The following PRCC variants were observed in gnomAD, a reference collection of about 807,000 sequenced individuals.
PRCC encodes the protein proline rich mitotic checkpoint control factor.
Under a neutral mutation model 44.0 loss-of-function variants are expected in PRCC, and 10 were observed. The ratio of observed to expected loss-of-function variants is 0.23; its 90% CI spans 0.14 to 0.39. The LOEUF is 0.39. PRCC is among the 10% of genes least tolerant of loss of function. The pLI is 1.00. For synonymous variants in PRCC, 278 were observed against 259.5 expected (o/e 1.07, Z -0.69); for missense variants, 573 against 624.7 (o/e 0.92, Z 0.88).
rs1652478348 is a variant in PRCC, at chr1:156,791,730, G to T, written c.1117G>T (p.Asp373Tyr). ...CAGTGGTGGCTACTATCCTGCACAG[G>T]ACCCGGCCCTGGTCCCCCCCCAGGA... Reference protein sequence around the residue: ...YYSGGYYPAQDPALVPPQEIA... With the variant: ...YYSGGYYPAQYPALVPPQEIA... The change falls in exon 4 of 7, where the codon GAC (aspartate) becomes TAC (tyrosine). Residue 373 changes from aspartate (D) to tyrosine (Y), a missense_variant. Asp to Tyr is a radical substitution (Grantham distance 160). This residue lies in a region of PRCC where 141 missense variants were observed against 130.2 expected (regional missense o/e 1.08). Transcript: ENST00000271526. The T allele has an allele frequency of 6.2e-7, 1 of 1,613,836 alleles. No individual in the cohort carries two copies. The highest frequency in any genetic ancestry group is 8.5e-7 in the Non-Finnish European group (1 of 1,179,968).
chr1:156,793,106 A>C (rs927140675), intron 4 of PRCC, among the ~76,000 whole-genome samples: 2 of 152,204 alleles, frequency 1.3e-5, no homozygotes, highest in African/African-American at 4.8e-5. Context: ...TATAAAAAAT[A>C]ATTCTTCTCT....
At chr1:156,790,558 GTTGCAGTGAGCCAAGATGGCGCCA>G (rs1652439955) in intron 3 of PRCC, among the ~76,000 whole-genome samples, 1 of 152,228 alleles carries the variant, frequency 6.6e-6, no homozygotes, top group South Asian at 2.1e-4. Context: ...AGGAGGCGAG[GTTGCAGTGAGCCAAGATGGCGCCA>G]TTGCACTCCA....
chr1:156,793,006 A>G (rs907904170), intron 4 of PRCC, among the ~76,000 whole-genome samples: 2 of 152,210 alleles, frequency 1.3e-5, no homozygotes, highest in African/African-American at 4.8e-5. Flanking sequence ...CTTATTCAGG[A>G]TATAAAGTAC....
At chr1:156,794,283 G>T (rs1055441092) in intron 4 of PRCC, among the ~76,000 whole-genome samples, 1 of 152,170 alleles carries the variant, frequency 6.6e-6, no homozygotes, top group Non-Finnish European at 1.5e-5. Flanking sequence ...TTCTAAAATT[G>T]TATGCAGTCC....
At chr1:156,800,323 GT>G in intron 6 of PRCC, 50 bp from the exon 7 acceptor site, 1 of 1,564,972 alleles carries the variant, frequency 6.4e-7, no homozygotes, top group South Asian at 1.1e-5. Flanking sequence ...AGAGGACAGC[GT>G]TTCTCAGAAT....
rs1269935035 is a variant in PRCC at position 156,768,009 on chromosome 1, C to T, written c.238C>T (p.Pro80Ser). 1 of 1,570,664 alleles carries T rather than the reference C, an allele frequency of 6.4e-7. No homozygotes were observed. Among genetic ancestry groups the T allele is most frequent in the South Asian group, 1.2e-5 (1 of 85,960 alleles). The change falls in exon 1 of 7, where the codon CCT becomes TCT. Residue 80 changes from proline to serine, a missense_variant. This residue lies in a region of PRCC where 245 missense variants were observed against 188.5 expected (regional missense o/e 1.30). Coordinates refer to ENST00000271526, the MANE Select transcript of PRCC (RefSeq NM_005973.5). ...CACCGGAGACCCCAGGCTTCAGCCTCCTCCCCCCTTGCCCTTCGGCCTGGG... is the reference window on the plus strand; with the variant it reads ...CACCGGAGACCCCAGGCTTCAGCCTTCTCCCCCCTTGCCCTTCGGCCTGGG... ...PPTGDPRLQP[P>S]PPLPFGLGGF...
intron 6 of PRCC, among the ~76,000 whole-genome samples, chr1:156,799,711 A>G (rs1048417971): frequency 6.6e-6 from 1 of 152,234 alleles, no homozygotes; most frequent in Non-Finnish European, 1.5e-5. Context: ...AGCAGGCATC[A>G]GATAACTTTT....
chr1:156,794,745 T>C lies in PRCC; in HGVS notation c.1260T>C (p.Ser420=). 6.2e-7 allele frequency: 1 copy of C among 1,613,826 alleles called. No homozygotes were observed. The highest frequency in any genetic ancestry group is 8.5e-7 in the Non-Finnish European group (1 of 1,179,934). ...FVEIKGDDQL[S]GAQQWMTKSL... ...AGATCAAAGGTGATGACCAGCTCAG[T>C]GGGGCCCAGCAATGGATGACTAAGT... The change falls in exon 5 of 7, where the codon AGT becomes AGC. Residue 420 remains serine, a synonymous_variant. Transcript: ENST00000271526.
At chr1:156,793,173 T>TA (rs1329237622) in intron 4 of PRCC, among the ~76,000 whole-genome samples, 1 of 152,234 alleles carries the variant, frequency 6.6e-6, no homozygotes, top group African/African-American at 2.4e-5. Flanking sequence ...CTGTGCTTGA[T>TA]ACTGTGTTCA....
In PRCC at chr1:156,791,719, A is replaced by G. The variant is rs763787715; in HGVS notation, c.1106A>G (p.Tyr369Cys). The G allele has an allele frequency of 1.2e-6, 2 of 1,613,706 alleles. No homozygotes were observed. The highest frequency in any genetic ancestry group is 1.6e-4 in the Middle Eastern group (1 of 6,084). ...CAGGATTATTACAGTGGTGGCTACT[A>G]TCCTGCACAGGACCCGGCCCTGGTC... ...YYQDYYSGGYYPAQDPALVPP... is the reference protein window; with the variant it reads ...YYQDYYSGGYCPAQDPALVPP... The change falls in exon 4 of 7, where the codon TAT becomes TGT. Residue 369 changes from tyrosine (Y) to cysteine (C), a missense_variant. Physicochemically the swap from Tyr to Cys is radical, Grantham distance 194. This residue lies in a region of PRCC where 141 missense variants were observed against 130.2 expected (regional missense o/e 1.08). Transcript: ENST00000271526.
intron 1 of PRCC, among the ~76,000 whole-genome samples, chr1:156,776,674 T>C (rs958688764): frequency 6.6e-6 from 1 of 152,188 alleles, no homozygotes; most frequent in African/African-American, 2.4e-5. Flanking sequence ...AGAATATGCT[T>C]GTATAGTTTT....
chr1:156,792,053 CTT>C (rs67388360), intron 4 of PRCC, among the ~76,000 whole-genome samples: 650 of 58,284 alleles, frequency 0.011, 5 homozygotes, highest in African/African-American at 0.031. Flanking sequence ...TAGTCCCCTT[CTT>C]TTTTTTTTTT....
chr1:156,787,976 C>G (rs958929891), intron 3 of PRCC, among the ~76,000 whole-genome samples: 1 of 152,144 alleles, frequency 6.6e-6, no homozygotes, highest in Non-Finnish European at 1.5e-5. Context: ...GGACTACAGG[C>G]ACATTCCACC....
chr1:156,776,195 T>G (rs1344727312), intron 1 of PRCC, among the ~76,000 whole-genome samples: 2 of 152,078 alleles, frequency 1.3e-5, no homozygotes, highest in Non-Finnish European at 2.9e-5. Context: ...GCCTTTTATC[T>G]CTACAAAAAA....
Position 156,790,925 on chromosome 1 carries a change from A to G in PRCC, c.1084-772A>G, listed in dbSNP as rs1018407464. On this transcript the variant is annotated intron_variant, in intron 3 of 6. Transcript: ENST00000271526. ...CTCATCATAAAACAAATGTTCTTAG[A>G]AGGGCATTTCTTGGAGTTTAAGACG... 13 of 472,752 alleles carry G rather than the reference A, an allele frequency of 2.7e-5. No individual in the cohort carries two copies. In the Admixed American group the frequency reaches 3.2e-4, roughly 12 times the overall value. 29.3% of individuals were successfully genotyped at this position (472,752 alleles called of 1,614,324 possible). A position where few individuals can be genotyped will look rare whatever the true frequency, so the allele number is the denominator to read the frequency against.
Position 156,768,124 on chromosome 1 carries a change from C to T in PRCC, c.353C>T (p.Pro118Leu). The change falls in exon 1 of 7, where the codon CCT (proline) becomes CTT (leucine). Residue 118 changes from proline (P) to leucine (L), a missense_variant. Around this residue, in one of 4 missense-constraint regions of PRCC, gnomAD observed 245 missense variants for 188.5 expected, o/e 1.30. Transcript: ENST00000271526. ...TTGGGGTTGCCCTCGCCCCGAGGCC[C>T]TGGCCTCAATCTGCCCCCTCCAATT... ...LGLGLPSPRG[P>L]GLNLPPPIGG... 4 of 1,573,380 alleles carry T rather than the reference C, an allele frequency of 2.5e-6. No individual in the cohort carries two copies. Among genetic ancestry groups the T allele is most frequent in the Non-Finnish European group, 3.5e-6 (4 of 1,159,146 alleles).
intron 1 of PRCC, among the ~76,000 whole-genome samples, chr1:156,781,662 C>G (rs1015595230): frequency 6.6e-6 from 1 of 152,198 alleles, no homozygotes; most frequent in African/African-American, 2.4e-5. Flanking sequence ...TGTCTTGCCC[C>G]AGATCCTCAT....
chr1:156,787,167 A>T lies in PRCC; in HGVS notation c.1076A>T (p.Tyr359Phe). Residue 359 changes from tyrosine to phenylalanine, a missense_variant, in exon 3 of 7, where the codon TAT becomes TTT. By Grantham distance (22) the Tyr-to-Phe change is conservative (BLOSUM62 3). This residue lies in a region of PRCC where 141 missense variants were observed against 130.2 expected (regional missense o/e 1.08). Coordinates refer to ENST00000271526, the MANE Select transcript of PRCC (RefSeq NM_005973.5). ...TYGDANAAGA[Y>F]YQDYYSGGYY... Reference sequence around the variant, plus strand: ...GGCGATGCCAATGCCGCTGGTGCTTATTATCAGGTGGGTAGGAGGCACAGA... The same window carrying T: ...GGCGATGCCAATGCCGCTGGTGCTTTTTATCAGGTGGGTAGGAGGCACAGA... The T allele has an allele frequency of 6.2e-7, 1 of 1,600,752 alleles. No individual in the cohort carries two copies. The highest frequency in any genetic ancestry group is 1.7e-5 in the Admixed American group (1 of 59,590).
At chr1:156,769,664 A>G (rs903123975) in intron 1 of PRCC, among the ~76,000 whole-genome samples, 23 of 151,772 alleles carry the variant, frequency 1.5e-4, no homozygotes, top group Non-Finnish European at 3.1e-4. Context: ...CAGTGGCACG[A>G]TCTCTGCTCA....
Sources: gnomAD v4.1 joint callset for allele counts (sites outside exome capture counted in the v4.1 genomes callset) on GRCh38, gnomAD v4.1.1 for gene constraint, gnomAD v4.1.1 regional missense constraint, MANE v1.5 for transcripts, NCBI Gene and HGNC (gene_info 2026-07-23, HGNC 2026-07-21) for gene names.